Variants in PCDHGB2 observed in about 807,000 individuals in gnomAD.
PCDHGB2 encodes protocadherin gamma-B2.
In PCDHGB2, 55 loss-of-function variants were observed where a neutral mutation model predicts 59.3. The ratio of observed to expected loss-of-function variants is 0.93; its 90% confidence interval spans 0.75 to 1.16. PCDHGB2 has a LOEUF of 1.16. Among genes scored for constraint, PCDHGB2 ranks in the 50% most tolerant of loss-of-function variants. PCDHGB2 has a pLI of 0.00. For synonymous variants in PCDHGB2, 516 were observed against 512.0 expected (o/e 1.01, Z -0.11); for missense variants, 1,228 against 1,198.5 (o/e 1.02, Z -0.36).
At position 141,487,033 on chromosome 5, in the gene PCDHGB2, A is replaced by C. The variant is rs1465525110; in HGVS notation, c.2422-7774A>C. ...AGGCCCCAGATCCCAGCCTGTTTGC[A>C]GTCTCTCGATATGCTGGGGAGGTGC... On this transcript the variant is annotated intron_variant, in intron 1 of 3. Transcript: ENST00000522605. This position sits in a 1 kb window ranked among gnomAD's most constrained non-coding sequence, Gnocchi z 5.0. 3 of 1,614,160 alleles carry C rather than the reference A, an allele frequency of 1.9e-6. No individual in the cohort carries two copies. Among genetic ancestry groups the C allele is most frequent in the Non-Finnish European group, 2.5e-6 (3 of 1,180,032 alleles).
intron 1 of PCDHGB2, chr5:141,365,395 G>T (rs753717509): frequency 5.6e-6 from 9 of 1,613,978 alleles, no homozygotes; most frequent in Non-Finnish European, 7.6e-6. Flanking sequence ...TGACCAGTTC[G>T]ATCTCTGAAG....
chr5:141,418,153 G>A (rs1561771797), intron 1 of PCDHGB2: 2 of 1,614,086 alleles, frequency 1.2e-6, no homozygotes, highest in East Asian at 2.2e-5. Context: ...TATGCAAAGA[G>A]AGAAGAAGAT....
chr5:141,374,731 T>C (rs922018990), intron 1 of PCDHGB2: 7 of 1,610,566 alleles, frequency 4.3e-6, no homozygotes, highest in Non-Finnish European at 4.2e-6. Flanking sequence ...CTGCCATGGA[T>C]GGCGGCGACC....
intron 1 of PCDHGB2, chr5:141,408,371 A>C (rs2095092452): frequency 6.2e-7 from 1 of 1,613,848 alleles, no homozygotes; most frequent in Non-Finnish European, 8.5e-7. Flanking sequence ...TCTAGGGCTC[A>C]GTGTCCTGGA....
chr5:141,419,443 C>G lies in PCDHGB2; in HGVS notation c.2421+56887C>G, dbSNP rs1476796525. ...TCGACCACGAGCAGCTGCGCACCTT[C>G]GAGCTCACGCTGCAGGCCCGCGACC... On this transcript the variant is annotated intron_variant, in intron 1 of 3. Coordinates refer to ENST00000522605, the MANE Select transcript of PCDHGB2 (RefSeq NM_018923.3). 6.2e-7 allele frequency: 1 copy of G among 1,613,080 alleles called. No individual in the cohort carries two copies. Among genetic ancestry groups the G allele is most frequent in the Non-Finnish European group, 8.5e-7 (1 of 1,179,758 alleles).
rs923388451 is a variant in PCDHGB2 at position 141,361,668 on chromosome 5, C to T, written c.1533C>T (p.Ser511=). The T allele has an allele frequency of 6.2e-6, 10 of 1,613,670 alleles. No individual in the cohort carries two copies. The highest frequency in any genetic ancestry group is 8.5e-6 in the Non-Finnish European group (10 of 1,179,904). Residue 511 remains serine, a synonymous_variant, in exon 1 of 4, where the codon AGC becomes AGT. Coordinates refer to ENST00000522605, the MANE Select transcript of PCDHGB2 (RefSeq NM_018923.3). The stretch of plus-strand genomic sequence containing the variant: ...CCTACGTGTCCGTGAGCGCGCAGAG[C>T]GGGGTGGTGTTCGCGCAGCGCGCCT... ...ILSYVSVSAQ[S]GVVFAQRAFD...
In PCDHGB2 at chr5:141,365,555, G is replaced by T. The variant is rs766239362; in HGVS notation, c.2421+2999G>T. ...TTACTATCACCTATTAACAACTAGG[G>T]ACCTGGACAGAGAAGAGACTTCAGA... On this transcript the variant is annotated intron_variant, in intron 1 of 3. Transcript: ENST00000522605. The T allele has an allele frequency of 4.3e-5, 70 of 1,613,524 alleles. No individual in the cohort carries two copies. The Admixed American group carries it at 5.7e-4, about 13-fold the overall frequency.
At position 141,490,782 on chromosome 5, in the gene PCDHGB2, ACGGATCTTTGCC is replaced by A; in HGVS notation, c.2422-4023_2422-4012del. 6.2e-7 allele frequency: 1 copy of A among 1,614,054 alleles called. No individual in the cohort carries two copies. Among genetic ancestry groups the A allele is most frequent in the Non-Finnish European group, 8.5e-7 (1 of 1,179,952 alleles). ...TTGTGTATGTCAACCCAGAGGATGGACGGATCTTTGCCCAGCGTACCTTTGACTATGAATTGC... is the reference window on the plus strand; with the variant it reads ...TTGTGTATGTCAACCCAGAGGATGGACAGCGTACCTTTGACTATGAATTGC... On this transcript the variant is annotated intron_variant, in intron 1 of 3. Transcript: ENST00000522605. This position sits in a 1 kb window ranked among gnomAD's most constrained non-coding sequence, Gnocchi z 5.4.
chr5:141,494,182 C>T (rs188628485), intron 1 of PCDHGB2, among the ~76,000 whole-genome samples: 132 of 152,244 alleles, frequency 8.7e-4, no homozygotes, highest in African/African-American at 3.1e-3. Flanking sequence ...AGAAGTGTCC[C>T]GGGACTTGGA....
chr5:141,375,428 C>T, intron 1 of PCDHGB2: 1 of 1,613,984 alleles, frequency 6.2e-7, no homozygotes, highest in Non-Finnish European at 8.5e-7. Flanking sequence ...CAACGACAAC[C>T]CGCCCACCTT....
intron 1 of PCDHGB2, among the ~76,000 whole-genome samples, chr5:141,437,623 T>G (rs887878119): frequency 3.3e-5 from 5 of 152,172 alleles, no homozygotes; most frequent in Non-Finnish European, 7.4e-5. Context: ...TATCCCCATA[T>G]AAGATGTCAG....
chr5:141,508,800 C>A (rs973992018), intron 3 of PCDHGB2, among the ~76,000 whole-genome samples: 1 of 152,086 alleles, frequency 6.6e-6, no homozygotes, highest in African/African-American at 2.4e-5. Context: ...CTCTGGAATC[C>A]TGGCTCTTTG....
chr5:141,491,542 G>T lies in PCDHGB2; in HGVS notation c.2422-3265G>T, dbSNP rs112433306. The T allele has an allele frequency of 6.2e-7, 1 of 1,613,898 alleles. No homozygotes were observed. Among genetic ancestry groups the T allele is most frequent in the Admixed American group, 1.7e-5 (1 of 60,006 alleles). On this transcript the variant is annotated intron_variant, in intron 1 of 3. Transcript: ENST00000522605. This position sits in a 1 kb window ranked among gnomAD's most constrained non-coding sequence, Gnocchi z 6.9. ...CATGGAGGTGACGCTGCGGCCCACA[G>T]ACTCGCAGAGCCACTGCTACAGGAC...
chr5:141,395,542 T>TTGTTTGTGTGTGTG (rs1267535064), intron 1 of PCDHGB2: 1 of 168,708 alleles, frequency 5.9e-6, no homozygotes, highest in African/African-American at 5.7e-5. Flanking sequence ...TTGCTATTGT[T>TTGTTTGTGTGTGTG]TGTGTGTGTG....
At chr5:141,473,974 C>A (rs958240236) in intron 1 of PCDHGB2, among the ~76,000 whole-genome samples, 1 of 152,054 alleles carries the variant, frequency 6.6e-6, no homozygotes, top group Non-Finnish European at 1.5e-5. Flanking sequence ...AAGTCTGAGG[C>A]GGGAGGATCC....
At chr5:141,423,237 C>A in intron 1 of PCDHGB2, 1 of 1,613,916 alleles carries the variant, frequency 6.2e-7, no homozygotes, top group Non-Finnish European at 8.5e-7. Context: ...ACAGCATCCC[C>A]GAAGTCCTGG....
chr5:141,389,918 C>A (rs1341057088), intron 1 of PCDHGB2: 5 of 1,613,966 alleles, frequency 3.1e-6, no homozygotes, highest in Non-Finnish European at 4.2e-6. Flanking sequence ...ACCGCCCCGA[C>A]CCCTCTGACC....
intron 1 of PCDHGB2, chr5:141,392,574 C>G (rs2092557177): frequency 2.2e-6 from 1 of 454,134 alleles, no homozygotes; most frequent in African/African-American, 2.0e-5. Flanking sequence ...CTATTTAGGA[C>G]TGTAAGCGCC....
intron 2 of PCDHGB2, among the ~76,000 whole-genome samples, chr5:141,501,620 T>G (rs1393018933): frequency 6.6e-6 from 1 of 152,090 alleles, no homozygotes; most frequent in Non-Finnish European, 1.5e-5. Context: ...GACTCTGGTA[T>G]AGTCTCTCAA....
Sources: gnomAD v4.1 joint callset for allele counts (sites outside exome capture counted in the v4.1 genomes callset) on GRCh38, gnomAD v4.1.1 for gene constraint, Gnocchi (gnomAD v3.1) non-coding constraint, MANE v1.5 for transcripts, NCBI Gene and HGNC (gene_info 2026-07-23, HGNC 2026-07-21) for gene names.